TTLL6: variants seen among roughly 807,000 people sequenced by gnomAD.
The protein encoded by TTLL6 is tubulin tyrosine ligase like 6.
In TTLL6, 75 loss-of-function variants were observed where a neutral mutation model predicts 96.4. The observed-to-expected ratio is 0.78, with a 90% CI of 0.65 to 0.94. TTLL6 has a LOEUF of 0.94. Ranked by LOEUF, TTLL6 falls within the 40% of genes least tolerant of loss-of-function variation. The probability of loss-of-function intolerance (pLI) is 0.00; values close to 1 mark genes in which losing one functional copy is unlikely to be tolerated. For synonymous variants in TTLL6, 411 were observed against 419.4 expected, an observed-to-expected ratio of 0.98 and a Z score of 0.24; for missense variants, 1,030 against 1,093.0, an observed-to-expected ratio of 0.94 and a Z score of 0.81.
chr17:48,785,160 C>A lies in TTLL6; in HGVS notation c.1803G>T (p.Leu601Phe). The change falls in exon 13 of 16, where the codon TTG becomes TTT. Residue 601 changes from leucine to phenylalanine, a missense_variant. By Grantham distance (22) the Leu-to-Phe change is conservative. Transcript: ENST00000393382. Reference protein sequence around the residue: ...PLTLVSYTPDLLLSVRGERKN... With the variant: ...PLTLVSYTPDFLLSVRGERKN... ...TCCTTTCACCTCTGACACTCAAGAGCAAGTCAGGTGTGTAGGATACTAATG... is the reference window on the plus strand; with the variant it reads ...TCCTTTCACCTCTGACACTCAAGAGAAAGTCAGGTGTGTAGGATACTAATG... The A allele has an allele frequency of 6.2e-7, 1 of 1,614,102 alleles. No individual in the cohort carries two copies. The highest frequency in any genetic ancestry group is 8.5e-7 in the Non-Finnish European group (1 of 1,180,036).
intron 13 of TTLL6, among the ~76,000 whole-genome samples, chr17:48,770,906 G>A (rs2038729896): frequency 6.6e-6 from 1 of 151,150 alleles, no homozygotes. Flanking sequence ...TGACAAGAGT[G>A]AAATTCTGTC....
chr17:48,796,100 C>T lies in TTLL6; in HGVS notation c.959G>A (p.Ser320Asn). 2.6e-6 allele frequency: 4 copies of T among 1,551,416 alleles called. No homozygotes were observed. ...HLTNYSINKH[S>N]SNFSRDAHSG... ...GTGTGCATCTCGACTGAAATTTGAA[C>T]TGTGCTTATTAATGGAATAATTAGT... is the stretch of plus-strand genomic sequence containing the variant. The change falls in exon 8 of 16, where the codon AGT becomes AAT. Residue 320 changes from serine (S) to asparagine (N), a missense_variant. Ser to Asn is a conservative substitution (Grantham distance 46). Coordinates refer to ENST00000393382, the MANE Select transcript of TTLL6 (RefSeq NM_001130918.3).
intron 13 of TTLL6, among the ~76,000 whole-genome samples, chr17:48,771,909 T>G (rs1321618502): frequency 6.6e-6 from 1 of 151,512 alleles, no homozygotes; most frequent in Non-Finnish European, 1.5e-5. Context: ...ACCTCATCTC[T>G]ACTAAAAATA....
intron 15 of TTLL6, among the ~76,000 whole-genome samples, chr17:48,766,696 T>A (rs936793371): frequency 6.6e-6 from 1 of 152,112 alleles, no homozygotes; most frequent in Non-Finnish European, 1.5e-5. Flanking sequence ...AAACCCTATA[T>A]CTACTAGAAA....
intron 13 of TTLL6, among the ~76,000 whole-genome samples, chr17:48,778,017 C>T (rs2038912091): frequency 1.3e-5 from 2 of 152,300 alleles, no homozygotes; most frequent in South Asian, 2.1e-4. Flanking sequence ...TGGCTCACGC[C>T]TGTAATCCCA....
At chr17:48,816,762 G>C (rs547412886) in intron 1 of TTLL6, among the ~76,000 whole-genome samples, 1 of 152,252 alleles carries the variant, frequency 6.6e-6, no homozygotes, top group South Asian at 2.1e-4. Flanking sequence ...ACGTTAATAA[G>C]AGGGACTGAG....
At chr17:48,782,419 T>A (rs1044159037) in intron 13 of TTLL6, among the ~76,000 whole-genome samples, 11 of 151,960 alleles carry the variant, frequency 7.2e-5, no homozygotes, top group African/African-American at 2.4e-4. Context: ...CCTCCCAAAG[T>A]GCTGGGATTA....
Position 48,787,874 on chromosome 17 carries a change from A to G in TTLL6, c.1526T>C (p.Phe509Ser), listed in dbSNP as rs1342489302. Reference protein sequence around the residue: ...SLNSEKYEKFFQDNNSLFQNT... With the variant: ...SLNSEKYEKFSQDNNSLFQNT... ...CTGGAAGAGGGAGTTGTTGTCCTGG[A>G]AAAACTTCTCATACTTCTCCGAATT... The change falls in exon 11 of 16, where the codon TTC becomes TCC. Residue 509 changes from phenylalanine (F) to serine (S), a missense_variant. Coordinates refer to ENST00000393382, the MANE Select transcript of TTLL6 (RefSeq NM_001130918.3). The G allele has an allele frequency of 6.2e-7, 1 of 1,614,202 alleles. No individual in the cohort carries two copies. The highest frequency in any genetic ancestry group is 2.2e-5 in the East Asian group (1 of 44,882).
At chr17:48,814,539 C>T (rs544205943) in intron 1 of TTLL6, among the ~76,000 whole-genome samples, 3 of 152,180 alleles carry the variant, frequency 2.0e-5, no homozygotes, top group Admixed American at 2.0e-4. Context: ...ATCTTGAGAT[C>T]TTCCAAGCCA....
At position 48,803,405 on chromosome 17, in the gene TTLL6, A is replaced by C. The variant is rs918208264; in HGVS notation, c.361+486T>G. Reference sequence around the variant, plus strand: ...CAGCTACTAGGGAGGCTGAGGCAGGAGAATCACTTAAACCTAGGAGGTAGA... The same window carrying C: ...CAGCTACTAGGGAGGCTGAGGCAGGCGAATCACTTAAACCTAGGAGGTAGA... On this transcript the variant is annotated intron_variant, in intron 3 of 15. Transcript: ENST00000393382. Among the ~76,000 whole-genome samples the C allele has an allele frequency of 6.6e-5, 10 of 151,786 alleles. No individual in the cohort carries two copies. In the South Asian group the frequency reaches 8.3e-4, roughly 13 times the overall value.
Position 48,804,980 on chromosome 17 carries a change from A to T in TTLL6, c.115T>A (p.Phe39Ile). 6.4e-7 allele frequency: 1 copy of T among 1,551,482 alleles called. No homozygotes were observed. The highest frequency in any genetic ancestry group is 2.4e-5 in the East Asian group (1 of 40,910). The change falls in exon 2 of 16, where the codon TTC becomes ATC. Residue 39 changes from phenylalanine (F) to isoleucine (I), a missense_variant. By Grantham distance (21) the Phe-to-Ile change is conservative. Transcript: ENST00000393382. The stretch of plus-strand genomic sequence containing the variant: ...CTGGCCTGGGAGGAGGCTCTGGGGA[A>T]ATACCAGGCCCCTAGAGAGAGGGCA... Reference protein sequence around the residue: ...GGVGIAGAWYFPRASSQAREM... With the variant: ...GGVGIAGAWYIPRASSQAREM...
At chr17:48,788,045 C>A (rs768909931) in intron 10 of TTLL6, 46 bp from the exon 11 acceptor site, 5 of 1,588,816 alleles carry the variant, frequency 3.1e-6, no homozygotes, top group South Asian at 1.1e-5. Flanking sequence ...TTTCTTGGGA[C>A]AAAGCCTGGA....
intron 9 of TTLL6, 61 bp downstream of exon 9, chr17:48,791,317 T>C: frequency 6.8e-7 from 1 of 1,471,392 alleles, no homozygotes; most frequent in Non-Finnish European, 9.4e-7. Flanking sequence ...GGCGGAATCC[T>C]TGAAGCGGGC....
chr17:48,791,824 G>A (rs986402091), intron 8 of TTLL6, among the ~76,000 whole-genome samples: 10 of 152,194 alleles, frequency 6.6e-5, no homozygotes, highest in Non-Finnish European at 1.5e-4. Context: ...CAGGGTGGGT[G>A]CAGATGCAGT....
At chr17:48,769,295 T>G in intron 14 of TTLL6, 41 bp from the exon 15 acceptor site, 1 of 1,550,024 alleles carries the variant, frequency 6.5e-7, no homozygotes, top group Non-Finnish European at 8.7e-7. Flanking sequence ...TTTGTGCTGC[T>G]GGATTCAGCA....
At chr17:48,775,520 CTAT>C (rs369248868) in intron 13 of TTLL6, among the ~76,000 whole-genome samples, 4,792 of 143,226 alleles carry the variant, frequency 0.033, 138 homozygotes, top group African/African-American at 0.075. Flanking sequence ...CAACATCCAT[CTAT>C]TATTATTATT....
chr17:48,796,324 T>TAA (rs1160258951), intron 7 of TTLL6, among the ~76,000 whole-genome samples, 178 bp from the exon 8 acceptor site: 2 of 152,118 alleles, frequency 1.3e-5, no homozygotes, highest in Non-Finnish European at 2.9e-5. Flanking sequence ...GCCTCGAGCC[T>TAA]AAGAAACTCC....
Position 48,775,551 on chromosome 17 carries a change from T to TATTATA in TTLL6, c.2041-5455_2041-5454insTATAAT, listed in dbSNP as rs2038853383. Reference sequence around the variant, plus strand: ...TTATTATTATTATTATTATTATTATTATTATTTGAGACAGAGTTTTGCTCT... The same window carrying TATTATA: ...TTATTATTATTATTATTATTATTATTATTATAATTATTTGAGACAGAGTTTTGCTCT... On this transcript the variant is annotated intron_variant, in intron 13 of 15. Transcript: ENST00000393382. 2.7e-5 allele frequency among the ~76,000 whole-genome samples: 4 copies of TATTATA among 149,924 alleles called. No homozygotes were observed. In the South Asian group the frequency reaches 8.4e-4, roughly 31 times the overall value.
chr17:48,781,079 ACT>A (rs1270688485), intron 13 of TTLL6, among the ~76,000 whole-genome samples: 3 of 150,504 alleles, frequency 2.0e-5, no homozygotes, highest in Non-Finnish European at 4.4e-5. Context: ...CAAGAGTCTA[ACT>A]CTGTTGCCCA....
Sources: allele counts gnomAD v4.1 joint callset (sites outside exome capture counted in the v4.1 genomes callset), GRCh38; gene constraint gnomAD v4.1.1; transcripts MANE v1.5; gene names NCBI Gene and HGNC (gene_info 2026-07-23, HGNC 2026-07-21).